The following LYPLA1 variants were observed in gnomAD, a reference collection of about 807,000 sequenced individuals.
LYPLA1 encodes the protein lysophospholipase 1.
In LYPLA1, 17 loss-of-function variants were observed where a neutral mutation model predicts 34.0. The observed-to-expected ratio is 0.50, with a 90% CI of 0.34 to 0.75. The LOEUF is 0.75. Among genes scored for constraint, LYPLA1 ranks in the 30% least tolerant of loss-of-function variants. The pLI, the probability that LYPLA1 is intolerant of heterozygous loss-of-function variation, is 0.01. For missense variants in LYPLA1, 203 were observed against 288.8 expected, an observed-to-expected ratio of 0.70 and a Z score of 2.15; for synonymous variants, 98 against 100.8, an observed-to-expected ratio of 0.97 and a Z score of 0.17.
At chr8:54,101,145 T>TGG (rs35405582) in intron 1 of LYPLA1, among the ~76,000 whole-genome samples, 3,080 of 134,322 alleles carry the variant, frequency 0.023, 110 homozygotes, top group African/African-American at 0.079. Flanking sequence ...AGATAATGAA[T>TGG]GGGGGGGGGG....
chr8:54,053,513 G>C (rs75414323), intron 6 of LYPLA1: 42,939 of 434,192 alleles, frequency 0.099, 4,025 homozygotes, highest in East Asian at 0.44. Context: ...CTGTACTCCT[G>C]CCAGCATCCA....
At chr8:54,077,635 AAAAT>A (rs551073777) in intron 2 of LYPLA1, among the ~76,000 whole-genome samples, 1 of 152,202 alleles carries the variant, frequency 6.6e-6, no homozygotes, top group Non-Finnish European at 1.5e-5. Context: ...GTCTCTACTA[AAAAT>A]AAATAAATAA....
chr8:54,061,398 C>T (rs1806626466), intron 5 of LYPLA1, among the ~76,000 whole-genome samples: 2 of 152,146 alleles, frequency 1.3e-5, no homozygotes, highest in African/African-American at 4.8e-5. Flanking sequence ...ACTATATAAA[C>T]ATTCTGCTGT....
At chr8:54,100,687 A>G (rs1049428697) in intron 2 of LYPLA1, 3 of 534,140 alleles carry the variant, frequency 5.6e-6, no homozygotes, top group Admixed American at 7.4e-5. Context: ...TGAAATTTTA[A>G]TATGTTCCAG....
intron 2 of LYPLA1, among the ~76,000 whole-genome samples, chr8:54,071,659 C>T (rs759464647): frequency 1.8e-4 from 27 of 151,998 alleles, no homozygotes; most frequent in Non-Finnish European, 3.7e-4. Context: ...AATAAAATAC[C>T]TAGGAATACA....
At chr8:54,080,598 C>T (rs976763045) in intron 2 of LYPLA1, among the ~76,000 whole-genome samples, 3 of 151,928 alleles carry the variant, frequency 2.0e-5, no homozygotes, top group Non-Finnish European at 4.4e-5. Flanking sequence ...TTATTTATTA[C>T]GTTTCTTGAG....
chr8:54,051,407 G>A (rs1805836451), intron 7 of LYPLA1, among the ~76,000 whole-genome samples: 1 of 152,050 alleles, frequency 6.6e-6, no homozygotes, highest in Admixed American at 6.6e-5. Context: ...TATCTTCCCA[G>A]TGAATGAGTT....
intron 6 of LYPLA1, chr8:54,053,745 A>G (rs1010205868): frequency 2.2e-6 from 1 of 456,312 alleles, no homozygotes; most frequent in African/African-American, 2.0e-5. Context: ...ATGGAAAGGT[A>G]AATGAAACAG....
At chr8:54,094,886 T>G (rs990101419) in intron 2 of LYPLA1, among the ~76,000 whole-genome samples, 4 of 152,198 alleles carry the variant, frequency 2.6e-5, no homozygotes, top group African/African-American at 9.7e-5. Flanking sequence ...CTAACTTGAT[T>G]GTTATCCTCT....
At chr8:54,077,782 C>T (rs1048350290) in intron 2 of LYPLA1, among the ~76,000 whole-genome samples, 6 of 151,996 alleles carry the variant, frequency 3.9e-5, no homozygotes, top group East Asian at 1.9e-4. Context: ...CGGTCTAGAA[C>T]GGGCAAAAGT....
intron 2 of LYPLA1, among the ~76,000 whole-genome samples, chr8:54,073,834 A>G (rs896841092): frequency 2.6e-5 from 4 of 152,198 alleles, no homozygotes; most frequent in Non-Finnish European, 5.9e-5. Context: ...GTGTTTCTTG[A>G]TACATGTAAT....
chr8:54,055,050 T>C lies in LYPLA1; in HGVS notation c.360+10A>G, dbSNP rs545931933. 6.4e-7 allele frequency: 1 copy of C among 1,557,584 alleles called. No individual in the cohort carries two copies. The highest frequency in any genetic ancestry group is 1.4e-5 in the African/African-American group (1 of 73,674). On this transcript the variant is annotated intron_variant, in intron 6 of 8. Transcript: ENST00000316963. ...GATGGTACTGACATTCCACTCAAAT[T>C]TTATCTTACCTGAGAAAACCCTCCC...
At chr8:54,067,729 T>A (rs941215292) in intron 2 of LYPLA1, among the ~76,000 whole-genome samples, 31 of 150,386 alleles carry the variant, frequency 2.1e-4, no homozygotes, top group African/African-American at 6.1e-4. Context: ...AGAGTCTTGC[T>A]CTGTTGCCCA....
intron 2 of LYPLA1, among the ~76,000 whole-genome samples, chr8:54,095,651 C>T (rs1809626871): frequency 1.3e-5 from 2 of 152,064 alleles, no homozygotes; most frequent in African/African-American, 2.4e-5. Flanking sequence ...GTTATGGACA[C>T]AGCAATACCC....
chr8:54,085,187 C>T (rs1022204734), intron 2 of LYPLA1, among the ~76,000 whole-genome samples: 4 of 152,232 alleles, frequency 2.6e-5, no homozygotes, highest in Non-Finnish European at 4.4e-5. Context: ...AGGGTTTCGC[C>T]GTGTTGGCCG....
At chr8:54,085,016 C>G (rs1394849186) in intron 2 of LYPLA1, among the ~76,000 whole-genome samples, 2 of 152,154 alleles carry the variant, frequency 1.3e-5, no homozygotes, top group African/African-American at 4.8e-5. Flanking sequence ...CTCCCTCTCC[C>G]TCTCCCTCTT....
chr8:54,076,200 G>A (rs1807888642), intron 2 of LYPLA1, among the ~76,000 whole-genome samples: 1 of 151,178 alleles, frequency 6.6e-6, no homozygotes, highest in Admixed American at 6.6e-5. Flanking sequence ...GCATCTAGAA[G>A]GACACCCTAC....
chr8:54,077,696 G>A (rs1054826260), intron 2 of LYPLA1, among the ~76,000 whole-genome samples: 2 of 152,180 alleles, frequency 1.3e-5, no homozygotes, highest in African/African-American at 2.4e-5. Context: ...ATAGATTTAT[G>A]AGATAGTAAA....
chr8:54,101,422 T>A (rs1187526361), intron 1 of LYPLA1: 3 of 1,072,944 alleles, frequency 2.8e-6, no homozygotes, highest in Admixed American at 1.1e-4. Context: ...GGCGATTTCC[T>A]GGCGGACTTA....
Sources: gnomAD v4.1 joint callset for allele counts (sites outside exome capture counted in the v4.1 genomes callset) on GRCh38, gnomAD v4.1.1 for gene constraint, MANE v1.5 for transcripts, NCBI Gene and HGNC (gene_info 2026-07-23, HGNC 2026-07-21) for gene names.